Variants in SLC25A46 observed in about 807,000 individuals in gnomAD.
SLC25A46 encodes solute carrier family 25 member 46, also known as mitochondrial outer membrane protein SLC25A46.
A neutral mutation model predicts 44.6 loss-of-function variants in SLC25A46; 39 were observed. That is an observed-to-expected ratio of 0.87 (90% confidence interval 0.68 to 1.14). The LOEUF is 1.14. Among genes scored for constraint, SLC25A46 ranks in the 50% most tolerant of loss-of-function variants. SLC25A46 has a pLI of 0.00. For missense variants in SLC25A46, 547 were observed against 522.7 expected (o/e 1.05, Z -0.45); for synonymous variants, 202 against 185.8 (o/e 1.09, Z -0.71).
In SLC25A46 at chr5:110,748,256, T is replaced by A; in HGVS notation, c.556T>A (p.Leu186Met). ...AEGIISEFTP[L>M]PREVLHKWSP... ...AGGCATAATTAGTGAATTTACACCT[T>A]TGCCAAGGTACCATTTTTAGCATTT... is the stretch of plus-strand genomic sequence containing the variant. Residue 186 changes from leucine to methionine, a missense_variant, in exon 5 of 8, where the codon TTG becomes ATG. Leu to Met is a conservative substitution (Grantham distance 15). Transcript: ENST00000355943. 1.2e-6 allele frequency: 2 copies of A among 1,612,802 alleles called. No individual in the cohort carries two copies. Among genetic ancestry groups the A allele is most frequent in the Non-Finnish European group, 1.7e-6 (2 of 1,178,932 alleles).
chr5:110,746,482 A>T (rs1199759864), intron 4 of SLC25A46, 136 bp downstream of exon 4: 1 of 585,980 alleles, frequency 1.7e-6, no homozygotes, highest in East Asian at 3.2e-5. Context: ...AAAGTAGCAC[A>T]ACGATATGTT....
rs146834378 is a variant in SLC25A46, at chr5:110,754,530, CT to C, written c.564-925del. 6.4e-3 allele frequency: 932 copies of C among 145,354 alleles called. 8 individuals are homozygous for C. The highest frequency in any genetic ancestry group is 0.022 in the African/African-American group (878 of 39,578). The allele number at this position is 145,354 out of a possible 1,614,324, so 9.0% of individuals were successfully genotyped here. ...CCCTCCCTCCCTTCCTTCTTTCTTT[CT>C]TTTTTTTTTCTTCCTTCCTTTTTTT... On this transcript the variant is annotated intron_variant, in intron 5 of 7. Transcript: ENST00000355943.
chr5:110,746,317 AAT>A lies in SLC25A46; in HGVS notation c.436_437del (p.Ile146TyrfsTer11). The A allele has an allele frequency of 6.3e-7, 1 of 1,593,104 alleles. No individual in the cohort carries two copies. The highest frequency in any genetic ancestry group is 8.5e-7 in the Non-Finnish European group (1 of 1,173,010). On this transcript the variant is annotated frameshift_variant, in exon 4 of 8. Coordinates refer to ENST00000355943, the MANE Select transcript of SLC25A46 (RefSeq NM_138773.4). LOFTEE classifies it high-confidence loss of function. ...CCATCTCACTCCATTTACAGTCATC[AAT>A]ATTATGTACAGTTTCAACAAAACTC... ...HYHLTPFTVINIMYSFNKTQG... is the reference protein window; with the variant it reads ...HYHLTPFTVIXIMYSFNKTQG...
At chr5:110,750,906 G>C (rs116697310) in intron 5 of SLC25A46, among the ~76,000 whole-genome samples, 2,079 of 152,166 alleles carry the variant, frequency 0.014, 42 homozygotes, top group African/African-American at 0.047. Flanking sequence ...TTAATTTCAG[G>C]CTACAGGGAA....
upstream of SLC25A46, chr5:110,738,269 T>G (rs1049431395): frequency 1.6e-6 from 2 of 1,280,964 alleles, no homozygotes; most frequent in Non-Finnish European, 2.0e-6. Flanking sequence ...CGCTCTACAG[T>G]AGTCCTCTCA....
At chr5:110,743,196 A>G (rs1237039717) in intron 2 of SLC25A46, among the ~76,000 whole-genome samples, 1 of 152,104 alleles carries the variant, frequency 6.6e-6, no homozygotes, top group Non-Finnish European at 1.5e-5. Flanking sequence ...AATATTTGAT[A>G]CATAAATATT....
chr5:110,741,059 A>G (rs1004665866), intron 1 of SLC25A46, among the ~76,000 whole-genome samples: 2 of 152,244 alleles, frequency 1.3e-5, no homozygotes, highest in African/African-American at 2.4e-5. Flanking sequence ...GTAATTTCCC[A>G]GGAACATGCT....
Position 110,739,166 on chromosome 5 carries a change from G to A in SLC25A46, c.47G>A (p.Gly16Asp), listed in dbSNP as rs1207132287. ...PDGFDGLGYR[G>D]GARDEQGFGG... ...GGATTTGATGGCTTGGGCTACCGGG[G>A]TGGTGCCCGGGACGAGCAGGGCTTT... The change falls in exon 1 of 8, where the codon GGT (glycine) becomes GAT (aspartate). Residue 16 changes from glycine to aspartate, a missense_variant. By Grantham distance (94) the Gly-to-Asp change is moderately conservative (BLOSUM62 -1). Transcript: ENST00000355943. The A allele has an allele frequency of 2.6e-6, 4 of 1,550,402 alleles. No homozygotes were observed. Among genetic ancestry groups the A allele is most frequent in the Non-Finnish European group, 3.5e-6 (4 of 1,147,078 alleles).
intron 5 of SLC25A46, among the ~76,000 whole-genome samples, chr5:110,752,372 G>A (rs561347998): frequency 3.9e-5 from 6 of 152,086 alleles, no homozygotes; most frequent in Non-Finnish European, 5.9e-5. Flanking sequence ...ACCATGTGTC[G>A]TTCTACCCCC....
rs1561611731 is a variant in SLC25A46, at chr5:110,763,611, T to A, written c.*1829T>A. The A allele has an allele frequency of 6.6e-6, 1 of 151,860 alleles. No homozygotes were observed. The highest frequency in any genetic ancestry group is 1.9e-4 in the East Asian group (1 of 5,178). The allele number at this position is 151,860 out of a possible 1,614,324, so 9.4% of individuals were successfully genotyped here. On this transcript the variant is annotated 3_prime_UTR_variant, in exon 8 of 8. Transcript: ENST00000355943. ...AGTTTGAAAAATTTCTAGAAAAGAA[T>A]CTGAATAGAATCAAGTATTTACTAG...
Position 110,739,097 on chromosome 5 carries a change from C to T in SLC25A46, c.-23C>T, listed in dbSNP as rs1799525266. The T allele has an allele frequency of 2.6e-6, 4 of 1,541,798 alleles. No individual in the cohort carries two copies. The highest frequency in any genetic ancestry group is 3.5e-6 in the Non-Finnish European group (4 of 1,145,902). On this transcript the variant is annotated 5_prime_UTR_variant, in exon 1 of 8. Coordinates refer to ENST00000355943, the MANE Select transcript of SLC25A46 (RefSeq NM_138773.4). ...GGTGGTGGTGGGCTCCGGGCGGGCT[C>T]GCGTCATCCTGCCCCCGCTGCGATG...
intron 1 of SLC25A46, among the ~76,000 whole-genome samples, chr5:110,741,356 A>G (rs982993036): frequency 1.6e-4 from 24 of 152,206 alleles, no homozygotes; most frequent in Admixed American, 9.8e-4. Flanking sequence ...ACCTACTCCA[A>G]TTAATTAAAC....
chr5:110,738,995 CT>C (rs1799511560), upstream of SLC25A46: 1 of 1,464,326 alleles, frequency 6.8e-7, no homozygotes, highest in African/African-American at 1.4e-5. Context: ...TCCAACGTGA[CT>C]TCCGGTTGTC....
intron 3 of SLC25A46, among the ~76,000 whole-genome samples, chr5:110,744,809 G>C (rs1799776771): frequency 6.6e-6 from 1 of 152,122 alleles, no homozygotes; most frequent in African/African-American, 2.4e-5. Flanking sequence ...TGAAAAAAGT[G>C]GCTAGTTTAG....
chr5:110,755,546 T>C, intron 6 of SLC25A46, 25 bp downstream of exon 6: 1 of 1,454,076 alleles, frequency 6.9e-7, no homozygotes, highest in Non-Finnish European at 9.4e-7. Context: ...ATGGCATTTT[T>C]ATTGGGCATT....
chr5:110,756,742 C>G lies in SLC25A46; in HGVS notation c.661C>G (p.Leu221Val). ...VVAMPFYSAS[L>V]IETVQSEIIR... ...GGCAATGCCTTTTTATTCAGCAAGTCTGATTGAAACAGTGCAGGTGAGCTT... is the reference window on the plus strand; with the variant it reads ...GGCAATGCCTTTTTATTCAGCAAGTGTGATTGAAACAGTGCAGGTGAGCTT... The change falls in exon 7 of 8, where the codon CTG (leucine) becomes GTG (valine). Residue 221 changes from leucine (L) to valine (V), a missense_variant. Coordinates refer to ENST00000355943, the MANE Select transcript of SLC25A46 (RefSeq NM_138773.4). The G allele has an allele frequency of 1.9e-6, 3 of 1,562,860 alleles. No homozygotes were observed. The highest frequency in any genetic ancestry group is 1.3e-5 in the South Asian group (1 of 79,914).
intron 3 of SLC25A46, among the ~76,000 whole-genome samples, chr5:110,744,462 C>T (rs756604849): frequency 5.3e-5 from 8 of 152,130 alleles, no homozygotes; most frequent in Non-Finnish European, 1.0e-4. Context: ...TGTAATTGTG[C>T]ATAAGTTATT....
rs369753422 is a variant in SLC25A46, at chr5:110,760,534, T to C, written c.679-670T>C. 2.0e-4 allele frequency among the ~76,000 whole-genome samples: 30 copies of C among 152,316 alleles called. 1 individual carries two copies. The South Asian group carries it at 5.8e-3, about 29-fold the overall frequency. ...CCCTGGCTACCTTATAAATTTCATC[T>C]GCTACTTTCCTGCAGTCATTGCTGC... On this transcript the variant is annotated intron_variant, in intron 7 of 7. Transcript: ENST00000355943.
At chr5:110,741,400 TG>T (rs1290569162) in intron 1 of SLC25A46, among the ~76,000 whole-genome samples, 1 of 152,168 alleles carries the variant, frequency 6.6e-6, no homozygotes, top group Non-Finnish European at 1.5e-5. Flanking sequence ...CTTGAAGAGA[TG>T]GGGGAGAGCT....
Sources: allele counts gnomAD v4.1 joint callset (sites outside exome capture counted in the v4.1 genomes callset), GRCh38; gene constraint gnomAD v4.1.1; transcripts MANE v1.5; gene names NCBI Gene and HGNC (gene_info 2026-07-23, HGNC 2026-07-21).